Variants in PRPF8 observed in about 807,000 individuals in gnomAD.
PRPF8 encodes the protein pre-mRNA processing factor 8.
In PRPF8, 64 loss-of-function variants were observed where a neutral mutation model predicts 285.9. The observed-to-expected ratio is 0.22, with a 90% CI of 0.18 to 0.28. The LOEUF is 0.28. Among genes scored for constraint, PRPF8 ranks in the 10% least tolerant of loss-of-function variants. The pLI is 1.00. For missense variants in PRPF8, 1,426 were observed against 3,026.7 expected (o/e 0.47, Z 12.41); for synonymous variants, 1,325 against 1,118.2 (o/e 1.18, Z -3.69).
chr17:1,680,842 AG>A lies in PRPF8; in HGVS notation c.993-12del, dbSNP rs1022929644. 1.2e-6 allele frequency: 2 copies of A among 1,613,894 alleles called. No homozygotes were observed. Among genetic ancestry groups the A allele is most frequent in the Non-Finnish European group, 1.7e-6 (2 of 1,179,894 alleles). Reference sequence around the variant, plus strand: ...TTGGGAGTATGGTACCTAAAATGAAAGGAAGAGTCAGCCAAAGTTTTCCCGC... The same window carrying A: ...TTGGGAGTATGGTACCTAAAATGAAAGAAGAGTCAGCCAAAGTTTTCCCGC... On this transcript the variant is annotated splice_polypyrimidine_tract_variant and intron_variant, in intron 7 of 42. Coordinates refer to ENST00000304992, the MANE Select transcript of PRPF8 (RefSeq NM_006445.4).
rs537715077 is a variant in PRPF8 at position 1,661,643 on chromosome 17, T to C, written c.4170A>G (p.Ala1390=). 3 of 1,613,672 alleles carry C rather than the reference T, an allele frequency of 1.9e-6. No homozygotes were observed. The highest frequency in any genetic ancestry group is 2.7e-5 in the African/African-American group (2 of 75,022). ...GAGCAATGGCCTCTTGCCTCTTGAGTGCGTACTCAGCCCAGACCCGCTGAG... is the reference window on the plus strand; with the variant it reads ...GAGCAATGGCCTCTTGCCTCTTGAGCGCGTACTCAGCCCAGACCCGCTGAG... ...IDSQRVWAEY[A]LKRQEAIAQN... Residue 1390 remains alanine, a synonymous_variant, in exon 26 of 43, where the codon GCA becomes GCG. Transcript: ENST00000304992. The surrounding 1 kb of genome is among the most constrained non-coding windows in gnomAD (Gnocchi z 7.3).
intron 3 of PRPF8, among the ~76,000 whole-genome samples, 158 bp from the exon 4 acceptor site, chr17:1,682,451 C>G (rs1567693094): frequency 6.6e-6 from 1 of 152,164 alleles, no homozygotes; most frequent in Non-Finnish European, 1.5e-5. Context: ...AACCCTGCCT[C>G]TCCCTCTCCA....
intron 36 of PRPF8, 21 bp from the exon 37 acceptor site, chr17:1,655,564 G>GT: frequency 6.3e-7 from 1 of 1,585,812 alleles, no homozygotes; most frequent in Non-Finnish European, 8.7e-7. Context: ...ATTTGGAAGA[G>GT]TGGGGTAGGT....
At chr17:1,654,518 G>C in intron 37 of PRPF8, 1 of 238,128 alleles carries the variant, frequency 4.2e-6, no homozygotes, top group East Asian at 1.0e-4. Flanking sequence ...TGTTTGAAAT[G>C]GCAACAGTGA....
At position 1,654,029 on chromosome 17, in the gene PRPF8, T is replaced by C; in HGVS notation, c.5988-13A>G. The C allele has an allele frequency of 6.2e-7, 1 of 1,614,042 alleles. No individual in the cohort carries two copies. The highest frequency in any genetic ancestry group is 1.7e-4 in the Middle Eastern group (1 of 6,046). On this transcript the variant is annotated splice_polypyrimidine_tract_variant and intron_variant, in intron 37 of 42. Coordinates refer to ENST00000304992, the MANE Select transcript of PRPF8 (RefSeq NM_006445.4). Reference sequence around the variant, plus strand: ...TGCCACGTTCACACTGTGGGGATGGTGTGGGTTATATTACAAGGATCCCTT... The same window carrying C: ...TGCCACGTTCACACTGTGGGGATGGCGTGGGTTATATTACAAGGATCCCTT...
At chr17:1,662,830 C>CAAAAA (rs541846587) in intron 24 of PRPF8, among the ~76,000 whole-genome samples, 2 of 81,124 alleles carry the variant, frequency 2.5e-5, no homozygotes, top group African/African-American at 3.4e-5. Flanking sequence ...GACTGTGTCT[C>CAAAAA]AAAAAAAAAA....
chr17:1,675,114 T>C lies in PRPF8; in HGVS notation c.3060+38A>G, dbSNP rs1223206885. 3.7e-6 allele frequency: 6 copies of C among 1,610,898 alleles called. No homozygotes were observed. The highest frequency in any genetic ancestry group is 1.3e-5 in the African/African-American group (1 of 74,834). Reference sequence around the variant, plus strand: ...CTGAGTCAGTGGGCCAGACAAGCACTCCACACACAATTCCATGCTACTGCG... The same window carrying C: ...CTGAGTCAGTGGGCCAGACAAGCACCCCACACACAATTCCATGCTACTGCG... On this transcript the variant is annotated intron_variant, in intron 20 of 42. Transcript: ENST00000304992. This position sits in a 1 kb window ranked among gnomAD's most constrained non-coding sequence, Gnocchi z 6.0.
rs1911188394 is a variant in PRPF8 at position 1,653,397 on chromosome 17, C to G, written c.6369+145G>C. The stretch of plus-strand genomic sequence containing the variant: ...TGCTATCTCATGGGGCCAAAACCCA[C>G]CTCGTTGTTTTGGCTATCCTTGTAT... On this transcript the variant is annotated intron_variant, in intron 39 of 42. Coordinates refer to ENST00000304992, the MANE Select transcript of PRPF8 (RefSeq NM_006445.4). This position sits in a 1 kb window ranked among gnomAD's most constrained non-coding sequence, Gnocchi z 4.9. The G allele has an allele frequency of 3.4e-6, 4 of 1,168,272 alleles. No individual in the cohort carries two copies. The highest frequency in any genetic ancestry group is 5.0e-6 in the Non-Finnish European group (4 of 800,662). 72.4% of individuals were successfully genotyped at this position (1,168,272 alleles called of 1,614,324 possible). A position where few individuals can be genotyped will look rare whatever the true frequency, so the allele number is the denominator to read the frequency against.
At position 1,684,458 on chromosome 17, in the gene PRPF8, C is replaced by T. The variant is rs1346494920; in HGVS notation, c.100+14G>A. The T allele has an allele frequency of 2.5e-6, 4 of 1,612,400 alleles. No homozygotes were observed. The highest frequency in any genetic ancestry group is 3.4e-6 in the Non-Finnish European group (4 of 1,179,596). On this transcript the variant is annotated intron_variant, in intron 2 of 42. Transcript: ENST00000304992. ...CGCCTCCGGCCCGCGCGCCGCTCCA[C>T]ACTCTCGCCTCACCTTTCTCCTGCA...
chr17:1,656,907 T>C, intron 34 of PRPF8, 146 bp from the exon 35 acceptor site: 1 of 803,282 alleles, frequency 1.2e-6, no homozygotes, highest in Non-Finnish European at 2.1e-6. Context: ...GTACAAAGAG[T>C]ATCAAATGGC....
intron 36 of PRPF8, 23 bp from the exon 37 acceptor site, chr17:1,655,566 G>C (rs755171919): frequency 1.9e-6 from 3 of 1,583,794 alleles, no homozygotes; most frequent in Admixed American, 1.7e-5. Flanking sequence ...TTGGAAGAGT[G>C]GGGTAGGTCA....
At position 1,653,432 on chromosome 17, in the gene PRPF8, T is replaced by C; in HGVS notation, c.6369+110A>G. On this transcript the variant is annotated intron_variant, in intron 39 of 42. Transcript: ENST00000304992. This position sits in a 1 kb window ranked among gnomAD's most constrained non-coding sequence, Gnocchi z 4.9. ...TTGGCTATCCTTGTATAATTACTCA[T>C]CCATGAATCTTGAAACCAGCATCTC... is the stretch of plus-strand genomic sequence containing the variant. 6.9e-7 allele frequency: 1 copy of C among 1,458,632 alleles called. No homozygotes were observed. The highest frequency in any genetic ancestry group is 9.6e-7 in the Non-Finnish European group (1 of 1,045,730). 90.4% of individuals were successfully genotyped at this position (1,458,632 alleles called of 1,614,324 possible). A position where few individuals can be genotyped will look rare whatever the true frequency, so the allele number is the denominator to read the frequency against.
chr17:1,670,723 G>T (rs753470720), intron 24 of PRPF8, among the ~76,000 whole-genome samples: 2 of 152,046 alleles, frequency 1.3e-5, no homozygotes, highest in Non-Finnish European at 1.5e-5. Flanking sequence ...CTGACCTCAG[G>T]TGATCCACCT....
At position 1,662,257 on chromosome 17, in the gene PRPF8, T is replaced by G. The variant is rs1911707476; in HGVS notation, c.3775-104A>C. ...TTATCCCTACTACTAAAGAAAGATTTGAGTTCAACATCATTAGTCACTAGG... is the reference window on the plus strand; with the variant it reads ...TTATCCCTACTACTAAAGAAAGATTGGAGTTCAACATCATTAGTCACTAGG... On this transcript the variant is annotated intron_variant, in intron 24 of 42. Coordinates refer to ENST00000304992, the MANE Select transcript of PRPF8 (RefSeq NM_006445.4). 4 of 1,303,500 alleles carry G rather than the reference T, an allele frequency of 3.1e-6. No individual in the cohort carries two copies. The Admixed American group carries it at 7.4e-5, about 24-fold the overall frequency. 80.7% of individuals were successfully genotyped at this position (1,303,500 alleles called of 1,614,324 possible). A position where few individuals can be genotyped will look rare whatever the true frequency, so the allele number is the denominator to read the frequency against.
chr17:1,676,579 A>C lies in PRPF8; in HGVS notation c.2314T>G (p.Cys772Gly). Residue 772 changes from cysteine (C) to glycine (G), a missense_variant, in exon 16 of 43, where the codon TGT becomes GGT. This residue lies in a region of PRPF8 where 70 missense variants were observed against 273.7 expected (regional missense o/e 0.26). Transcript: ENST00000304992. The surrounding 1 kb of genome is among the most constrained non-coding windows in gnomAD (Gnocchi z 6.3). The stretch of plus-strand genomic sequence containing the variant: ...GTGAGGCGGCCCAGATTCTTTTTAC[A>C]AACAGTCTTGTCCACAGTGGCCCCT... ...RRGATVDKTV[C>G]KKNLGRLTRL... 1 of 1,613,882 alleles carries C rather than the reference A, an allele frequency of 6.2e-7. No homozygotes were observed. Among genetic ancestry groups the C allele is most frequent in the Non-Finnish European group, 8.5e-7 (1 of 1,179,978 alleles).
At chr17:1,662,175 G>A (rs1174614895) in intron 24 of PRPF8, 22 bp from the exon 25 acceptor site, 1 of 1,613,916 alleles carries the variant, frequency 6.2e-7, no homozygotes, top group Non-Finnish European at 8.5e-7. Context: ...AGAAAAAAAA[G>A]TAAATTACAG....
Position 1,676,145 on chromosome 17 carries a change from G to A in PRPF8, c.2552+62C>T, listed in dbSNP as rs1191324620. ...GCTACACCTTCTTTCTTTGGACTCT[G>A]AGGATGACGCCATTCCCTGCTGTCA... On this transcript the variant is annotated intron_variant, in intron 17 of 42. Coordinates refer to ENST00000304992, the MANE Select transcript of PRPF8 (RefSeq NM_006445.4). This position sits in a 1 kb window ranked among gnomAD's most constrained non-coding sequence, Gnocchi z 6.3. 1 of 1,611,842 alleles carries A rather than the reference G, an allele frequency of 6.2e-7. No individual in the cohort carries two copies. The highest frequency in any genetic ancestry group is 1.3e-5 in the African/African-American group (1 of 74,824).
rs1049246134 is a variant in PRPF8, at chr17:1,678,462, G to A, written c.1854+56C>T. The A allele has an allele frequency of 1.2e-4, 196 of 1,611,506 alleles. 2 individuals carry two copies. Among genetic ancestry groups the A allele is most frequent in the Non-Finnish European group, 1.5e-4 (182 of 1,178,296 alleles). On this transcript the variant is annotated intron_variant, in intron 13 of 42. Coordinates refer to ENST00000304992, the MANE Select transcript of PRPF8 (RefSeq NM_006445.4). ...CGTGCCATTGCACACCAGCCCAAGA[G>A]ACAAGAGTAAGACTCTGTCTCAAAA...
At chr17:1,654,395 CAGGG>C (rs1911240933) in intron 37 of PRPF8, 2 of 391,892 alleles carry the variant, frequency 5.1e-6, no homozygotes, top group Non-Finnish European at 9.6e-6. Context: ...GCCACGATGA[CAGGG>C]AGGGAGACGA....
Sources: allele counts gnomAD v4.1 joint callset (sites outside exome capture counted in the v4.1 genomes callset), GRCh38; gene constraint gnomAD v4.1.1; regional missense constraint gnomAD v4.1.1; non-coding constraint Gnocchi (gnomAD v3.1); transcripts MANE v1.5; gene names NCBI Gene and HGNC (gene_info 2026-07-23, HGNC 2026-07-21).